BBS5: variants seen among roughly 807,000 people sequenced by gnomAD.
BBS5 encodes the protein BBSome complex member BBS5.
BBS5 carries 39 observed loss-of-function variants against 50.2 expected under a neutral mutation model. The ratio of observed to expected loss-of-function variants is 0.78; its 90% CI spans 0.60 to 1.01. The LOEUF (loss-of-function observed/expected upper bound fraction) is 1.01. Ranked by LOEUF, BBS5 falls within the 50% of genes least tolerant of loss-of-function variation. The pLI is 0.00. For synonymous variants in BBS5, 134 were observed against 133.1 expected, an observed-to-expected ratio of 1.01 and a Z score of -0.05; for missense variants, 356 against 401.5, an observed-to-expected ratio of 0.89 and a Z score of 0.97.
At position 169,497,740 on chromosome 2, in the gene BBS5, A is replaced by T. The variant is rs567319386; in HGVS notation, c.681+51A>T. The T allele has an allele frequency of 2.3e-5, 29 of 1,262,948 alleles. No individual in the cohort carries two copies. The South Asian group carries it at 3.5e-4, about 15-fold the overall frequency. 78.2% of individuals were successfully genotyped at this position (1,262,948 alleles called of 1,614,324 possible). On this transcript the variant is annotated intron_variant, in intron 8 of 11. Coordinates refer to ENST00000295240, the MANE Select transcript of BBS5 (RefSeq NM_152384.3). The stretch of plus-strand genomic sequence containing the variant: ...TCTTTGATTTTTAAAACTATGTGAC[A>T]GTCTAGATTTTTGGTTTTATTTATA...
chr2:169,489,573 T>C, intron 5 of BBS5, among the ~76,000 whole-genome samples: 1 of 151,134 alleles, frequency 6.6e-6, no homozygotes, highest in East Asian at 2.0e-4. Context: ...CCCAGAGTGC[T>C]GGGATTACAC....
At chr2:169,498,648 A>G (rs1239390941) in intron 8 of BBS5, among the ~76,000 whole-genome samples, 3 of 152,032 alleles carry the variant, frequency 2.0e-5, no homozygotes, top group African/African-American at 7.2e-5. Flanking sequence ...TACTAAAAAT[A>G]CAAAAAATTA....
intron 1 of BBS5, among the ~76,000 whole-genome samples, 175 bp downstream of exon 1, chr2:169,479,787 C>G (rs1006566862): frequency 1.4e-4 from 22 of 152,210 alleles, no homozygotes; most frequent in African/African-American, 5.3e-4. Context: ...CCACTGTGGC[C>G]CTCTCGAGGC....
intron 6 of BBS5, 22 bp downstream of exon 6, chr2:169,493,031 A>C (rs199769760): frequency 5.6e-6 from 9 of 1,612,870 alleles, no homozygotes; most frequent in Admixed American, 3.3e-5. Flanking sequence ...AGAGCTAGTG[A>C]ACCTTTTGGG....
intron 9 of BBS5, 112 bp downstream of exon 9, chr2:169,499,732 A>T: frequency 8.8e-7 from 1 of 1,136,928 alleles, no homozygotes; most frequent in Non-Finnish European, 1.3e-6. Flanking sequence ...TAAAATGGTG[A>T]ATATACAGAT....
chr2:169,479,915 A>T (rs936022977), intron 1 of BBS5, among the ~76,000 whole-genome samples: 4 of 152,202 alleles, frequency 2.6e-5, no homozygotes, highest in African/African-American at 9.7e-5. Context: ...GACCGGGGCC[A>T]CCCGGGGCTT....
At chr2:169,481,766 A>G (rs16856978) in intron 1 of BBS5, among the ~76,000 whole-genome samples, 3,807 of 152,134 alleles carry the variant, frequency 0.025, 173 homozygotes, top group African/African-American at 0.087. Context: ...TAATTTCCTG[A>G]TGTCCTTTCC....
chr2:169,488,060 C>T lies in BBS5; in HGVS notation c.332C>T (p.Thr111Ile), dbSNP rs375992092. The change falls in exon 5 of 12, where the codon ACA (threonine) becomes ATA (isoleucine). Residue 111 changes from threonine to isoleucine, a missense_variant. Thr to Ile is a moderately conservative substitution (Grantham distance 89). Coordinates refer to ENST00000295240, the MANE Select transcript of BBS5 (RefSeq NM_152384.3). ...AGTACTCGTTTTGAATTTATATTTA[C>T]AAATTTGGTTCCTGGAAGCCCTAGA... is the stretch of plus-strand genomic sequence containing the variant. ...CNSTRFEFIF[T>I]NLVPGSPRLF... The T allele has an allele frequency of 2.5e-6, 4 of 1,612,990 alleles. No homozygotes were observed. The Admixed American group carries it at 5.0e-5, about 20-fold the overall frequency.
At chr2:169,501,786 T>C (rs1045543508) in intron 9 of BBS5, among the ~76,000 whole-genome samples, 7 of 152,152 alleles carry the variant, frequency 4.6e-5, no homozygotes, top group Non-Finnish European at 8.8e-5. Context: ...ATAATCTTTC[T>C]TACAAAGTTA....
chr2:169,503,294 AC>A, intron 10 of BBS5, 116 bp downstream of exon 10: 1 of 826,418 alleles, frequency 1.2e-6, no homozygotes, highest in South Asian at 1.5e-5. Flanking sequence ...GGTGTCTTAA[AC>A]CTGAGTTTGA....
Position 169,497,541 on chromosome 2 carries a change from AC to A in BBS5, c.619-85del. Reference sequence around the variant, plus strand: ...GTTCTTTAGACTATGAAAAGTAAATACTGTGTAAAGTTTAAAAACTGAGTTA... The same window carrying A: ...GTTCTTTAGACTATGAAAAGTAAATATGTGTAAAGTTTAAAAACTGAGTTA... On this transcript the variant is annotated intron_variant, in intron 7 of 11. Coordinates refer to ENST00000295240, the MANE Select transcript of BBS5 (RefSeq NM_152384.3). 3 of 820,974 alleles carry A rather than the reference AC, an allele frequency of 3.7e-6. No individual in the cohort carries two copies. The South Asian group carries it at 4.4e-5, about 12-fold the overall frequency. The allele number at this position is 820,974 out of a possible 1,614,324, so 50.9% of individuals were successfully genotyped here.
chr2:169,500,448 T>G (rs775105775), intron 9 of BBS5, among the ~76,000 whole-genome samples: 1 of 152,244 alleles, frequency 6.6e-6, no homozygotes, highest in Non-Finnish European at 1.5e-5. Flanking sequence ...TTGCCCTTGC[T>G]GTCCTCTCTG....
rs547317303 is a variant in BBS5 at position 169,490,425 on chromosome 2, T to C, written c.386+2311T>C. On this transcript the variant is annotated intron_variant, in intron 5 of 11. Transcript: ENST00000295240. ...TAGAGACGGGGTTTCACTGTGTTAG[T>C]CAGGATGGTCTCGATCTCCTGACCT... is the stretch of plus-strand genomic sequence containing the variant. Among the ~76,000 whole-genome samples the C allele has an allele frequency of 3.2e-3, 485 of 151,734 alleles. 6 individuals carry two copies. The highest frequency in any genetic ancestry group is 5.2e-3 in the Non-Finnish European group (352 of 67,898).
At position 169,487,983 on chromosome 2, in the gene BBS5, A is replaced by T. The variant is rs1683514616; in HGVS notation, c.259-4A>T. 1 of 1,613,510 alleles carries T rather than the reference A, an allele frequency of 6.2e-7. No homozygotes were observed. The highest frequency in any genetic ancestry group is 1.3e-5 in the African/African-American group (1 of 74,920). ...TGAACTTTTAAATAAATTTGTCCTTACAGAAATTACGAGGCCAAACTGAAG... is the reference window on the plus strand; with the variant it reads ...TGAACTTTTAAATAAATTTGTCCTTTCAGAAATTACGAGGCCAAACTGAAG... On this transcript the variant is annotated splice_polypyrimidine_tract_variant and splice_region_variant and intron_variant, in intron 4 of 11. Coordinates refer to ENST00000295240, the MANE Select transcript of BBS5 (RefSeq NM_152384.3).
chr2:169,480,644 C>T (rs1178629478), intron 1 of BBS5, among the ~76,000 whole-genome samples: 1 of 146,698 alleles, frequency 6.8e-6, no homozygotes, highest in African/African-American at 2.5e-5. Flanking sequence ...ACATATTGCG[C>T]ACTTTCTATG....
In BBS5 at chr2:169,482,333, G is replaced by A; in HGVS notation, c.142G>A (p.Gly48Ser). The A allele has an allele frequency of 6.5e-7, 1 of 1,548,370 alleles. No homozygotes were observed. Among genetic ancestry groups the A allele is most frequent in the Non-Finnish European group, 8.9e-7 (1 of 1,120,400 alleles). The change falls in exon 2 of 12, where the codon GGT becomes AGT. Residue 48 changes from glycine (G) to serine (S), a missense_variant and splice_region_variant. Gly to Ser is a moderately conservative substitution (Grantham distance 56). Coordinates refer to ENST00000295240, the MANE Select transcript of BBS5 (RefSeq NM_152384.3). Reference protein sequence around the residue: ...EDTKGNNGDRGRLLVTNLRIL... With the variant: ...EDTKGNNGDRSRLLVTNLRIL... ...CACCAAAGGAAATAATGGAGATAGA[G>A]GTGAGTATATTTTTAAATGTATCTT...
intron 6 of BBS5, among the ~76,000 whole-genome samples, chr2:169,493,448 T>G (rs561291124): frequency 5.9e-5 from 9 of 152,324 alleles, no homozygotes; most frequent in African/African-American, 2.2e-4. Flanking sequence ...TTAGGATTGA[T>G]TTACATGGGA....
rs1469650650 is a variant in BBS5, at chr2:169,504,935, G to A, written c.*353G>A. The A allele has an allele frequency of 1.9e-6, 3 of 1,613,678 alleles. No individual in the cohort carries two copies. The highest frequency in any genetic ancestry group is 1.1e-5 in the South Asian group (1 of 91,094). ...GGACGTTGCGGCCCAGTGGGTGGAG[G>A]TCCAAAGAGGACTGGTGATCTACGT... On this transcript the variant is annotated 3_prime_UTR_variant, in exon 12 of 12. Coordinates refer to ENST00000295240, the MANE Select transcript of BBS5 (RefSeq NM_152384.3).
Position 169,505,527 on chromosome 2 carries a change from C to T in BBS5, c.*945C>T, listed in dbSNP as rs572758880. On this transcript the variant is annotated 3_prime_UTR_variant, in exon 12 of 12. Transcript: ENST00000295240. ...GAAGTGAGGAGCGCCTCTTCCCACC[C>T]GCCATCCCATCTAGGAAGTGAGGAG... 4.7e-5 allele frequency: 13 copies of T among 276,022 alleles called. No homozygotes were observed. The highest frequency in any genetic ancestry group is 1.9e-4 in the African/African-American group (8 of 42,706). The allele number at this position is 276,022 out of a possible 1,614,324, so 17.1% of individuals were successfully genotyped here.
Sources: gnomAD v4.1 joint callset for allele counts (sites outside exome capture counted in the v4.1 genomes callset) on GRCh38, gnomAD v4.1.1 for gene constraint, MANE v1.5 for transcripts, NCBI Gene and HGNC (gene_info 2026-07-23, HGNC 2026-07-21) for gene names.